The following TRIO variants were observed in gnomAD, a reference collection of about 807,000 sequenced individuals.
TRIO encodes the protein triple functional domain protein.
A neutral mutation model predicts 351.9 loss-of-function variants in TRIO; 58 were observed. That is an observed-to-expected ratio of 0.16 (90% CI 0.13 to 0.21). The LOEUF (loss-of-function observed/expected upper bound fraction) is 0.21. Among genes scored for constraint, TRIO ranks in the 10% least tolerant of loss-of-function variants. The probability of loss-of-function intolerance (pLI) is 1.00; values close to 1 mark genes in which losing one functional copy is unlikely to be tolerated. For missense variants in TRIO, 3,201 were observed against 4,027.8 expected (o/e 0.79, Z 5.56); for synonymous variants, 1,758 against 1,595.7 (o/e 1.10, Z -2.42).
chr5:14,264,832 C>T lies in TRIO; in HGVS notation c.158-5993C>T, dbSNP rs139314126. ...TCACCTCCCTCTGCGCGTGCGCTTG[C>T]GGAGCGAGGGCGGTGCCTGCCAAAC... is the stretch of plus-strand genomic sequence containing the variant. On this transcript the variant is annotated intron_variant, in intron 1 of 56. Transcript: ENST00000344204. Among the ~76,000 whole-genome samples the T allele has an allele frequency of 9.6e-3, 1,458 of 152,304 alleles. 27 individuals carry two copies. Among genetic ancestry groups the T allele is most frequent in the African/African-American group, 0.033 (1,387 of 41,558 alleles).
At chr5:14,289,399 A>T (rs2152283669) in intron 4 of TRIO, among the ~76,000 whole-genome samples, 1 of 152,122 alleles carries the variant, frequency 6.6e-6, no homozygotes, top group East Asian at 1.9e-4. Context: ...AAACAAACAA[A>T]CAAAAATCAC....
chr5:14,343,069 T>A (rs1179328358), intron 11 of TRIO, among the ~76,000 whole-genome samples: 2 of 142,216 alleles, frequency 1.4e-5, no homozygotes, highest in Non-Finnish European at 3.0e-5. Context: ...TTGAAGTAAT[T>A]ATAGAATCAC....
intron 2 of TRIO, among the ~76,000 whole-genome samples, chr5:14,278,201 A>G (rs1735705776): frequency 1.3e-5 from 2 of 152,198 alleles, no homozygotes; most frequent in Non-Finnish European, 2.9e-5. Context: ...AAAGTGTAGT[A>G]GGGGCTGTCA....
intron 18 of TRIO, among the ~76,000 whole-genome samples, chr5:14,370,802 C>A (rs901298133): frequency 6.6e-6 from 1 of 152,184 alleles, no homozygotes; most frequent in African/African-American, 2.4e-5. Context: ...ATGCTGACCG[C>A]TGTTAGGATT....
chr5:14,403,031 G>GGGTTGTGGTGGGTT (rs1748229373), intron 31 of TRIO, among the ~76,000 whole-genome samples: 1 of 151,142 alleles, frequency 6.6e-6, no homozygotes, highest in Admixed American at 6.6e-5. Flanking sequence ...AGGTTGTGGT[G>GGGTTGTGGTGGGTT]GTGAAGGTGC....
intron 1 of TRIO, among the ~76,000 whole-genome samples, chr5:14,241,952 G>A (rs957062350): frequency 6.6e-6 from 1 of 152,094 alleles, no homozygotes; most frequent in Non-Finnish European, 1.5e-5. Context: ...TTATTCCAAC[G>A]ACACTGTAAA....
chr5:14,171,053 A>G (rs1164499230), intron 1 of TRIO, among the ~76,000 whole-genome samples: 1 of 152,178 alleles, frequency 6.6e-6, no homozygotes, highest in Non-Finnish European at 1.5e-5. Context: ...TTGCCCTAAA[A>G]TAAAATATCA....
intron 43 of TRIO, 41 bp from the exon 44 acceptor site, chr5:14,481,193 T>G (rs370224990): frequency 5.7e-6 from 9 of 1,586,726 alleles, no homozygotes; most frequent in Non-Finnish European, 7.7e-6. Flanking sequence ...GCTGCTGTTG[T>G]CTTTGTCACC....
At chr5:14,317,721 G>C (rs1005948065) in intron 9 of TRIO, among the ~76,000 whole-genome samples, 14 of 152,250 alleles carry the variant, frequency 9.2e-5, no homozygotes, top group African/African-American at 3.1e-4. Flanking sequence ...GCCAGGTGCG[G>C]TGGCTCACGC....
chr5:14,437,813 GCCCGTAATCCCA>G (rs1751717369), intron 34 of TRIO, among the ~76,000 whole-genome samples: 1 of 151,954 alleles, frequency 6.6e-6, no homozygotes, highest in Non-Finnish European at 1.5e-5. Flanking sequence ...ACACAGTTCA[GCCCGTAATCCCA>G]CCATCCTGGT....
chr5:14,359,073 TA>T (rs1307745163), intron 12 of TRIO, among the ~76,000 whole-genome samples: 3 of 152,234 alleles, frequency 2.0e-5, no homozygotes, highest in Non-Finnish European at 4.4e-5. Context: ...GAAAAGTGGC[TA>T]AAAATACAAC....
chr5:14,430,624 T>C (rs1751019818), intron 34 of TRIO, among the ~76,000 whole-genome samples: 4 of 152,232 alleles, frequency 2.6e-5, no homozygotes. Flanking sequence ...AGTCTCTGTA[T>C]AATCTCCGCT....
At chr5:14,407,799 G>A (rs545445630) in intron 33 of TRIO, among the ~76,000 whole-genome samples, 68 of 152,352 alleles carry the variant, frequency 4.5e-4, no homozygotes, top group African/African-American at 1.5e-3. Flanking sequence ...GGGTTTACGT[G>A]ATGGACAAAA....
chr5:14,357,898 T>C (rs1306193820), intron 11 of TRIO, among the ~76,000 whole-genome samples: 1 of 152,168 alleles, frequency 6.6e-6, no homozygotes, highest in Non-Finnish European at 1.5e-5. Flanking sequence ...CCCTTCCCTT[T>C]CCTTTTTCTC....
intron 34 of TRIO, among the ~76,000 whole-genome samples, chr5:14,430,166 C>T (rs572432147): frequency 3.2e-4 from 44 of 136,336 alleles, no homozygotes; most frequent in Non-Finnish European, 5.3e-4. Context: ...TAAAACTTTG[C>T]GTGTAATGAT....
chr5:14,380,441 C>T (rs2152353417), intron 20 of TRIO, among the ~76,000 whole-genome samples: 1 of 152,306 alleles, frequency 6.6e-6, no homozygotes, highest in Non-Finnish European at 1.5e-5. Flanking sequence ...CCGCTTCCCA[C>T]TGCTGCCCTG....
chr5:14,338,156 T>C (rs994925432), intron 11 of TRIO, among the ~76,000 whole-genome samples: 1 of 152,202 alleles, frequency 6.6e-6, no homozygotes, highest in African/African-American at 2.4e-5. Flanking sequence ...CCCTCCAGCC[T>C]CTGCTAGCTC....
At chr5:14,335,925 A>G (rs1038715547) in intron 10 of TRIO, among the ~76,000 whole-genome samples, 2 of 152,150 alleles carry the variant, frequency 1.3e-5, no homozygotes, top group African/African-American at 4.8e-5. Context: ...TGATCACACC[A>G]CTGCACTCCA....
chr5:14,473,924 T>C, intron 39 of TRIO, 70 bp from the exon 40 acceptor site: 1 of 1,481,830 alleles, frequency 6.7e-7, no homozygotes, highest in Non-Finnish European at 9.3e-7. Flanking sequence ...CTGTGACTAT[T>C]AATCAATAAG....
Sources: gnomAD v4.1 joint callset for allele counts (sites outside exome capture counted in the v4.1 genomes callset) on GRCh38, gnomAD v4.1.1 for gene constraint, MANE v1.5 for transcripts, NCBI Gene and HGNC (gene_info 2026-07-23, HGNC 2026-07-21) for gene names.